WDR44: variants seen among roughly 807,000 people sequenced by gnomAD.
WDR44 encodes the protein WD repeat-containing protein 44.
Under a neutral mutation model 65.7 loss-of-function variants are expected in WDR44, and 9 were observed. That is an observed-to-expected ratio of 0.14 (90% CI 0.08 to 0.24). The LOEUF is 0.24. WDR44 is among the 10% of genes least tolerant of loss of function. The pLI, the probability that WDR44 is intolerant of heterozygous loss-of-function variation, is 1.00. For missense variants in WDR44, 425 were observed against 670.9 expected (o/e 0.63, Z 4.05); for synonymous variants, 220 against 235.2 (o/e 0.94, Z 0.59).
At chrX:118,434,407 C>T (rs757272039) in intron 13 of WDR44, among the ~76,000 whole-genome samples, 1 of 111,601 alleles carries the variant, frequency 9.0e-6, no homozygotes, top group Non-Finnish European at 1.9e-5. Context: ...TAAGTTTATA[C>T]CTGTTTAATC....
Position 118,391,021 on chromosome X carries a change from G to A in WDR44, c.187-1611G>A, listed in dbSNP as rs147677734. Among the ~76,000 whole-genome samples the A allele has an allele frequency of 2.8e-3, 312 of 111,875 alleles. 2 individuals are homozygous for A. Among genetic ancestry groups the A allele is most frequent in the African/African-American group, 9.8e-3 (301 of 30,855 alleles). On this transcript the variant is annotated intron_variant, in intron 3 of 19. Transcript: ENST00000254029. Reference sequence around the variant, plus strand: ...ATCCAGCTACCTAACCCAAAGGCCTGTATGACAATTAAATGAGAATGTGTA... The same window carrying A: ...ATCCAGCTACCTAACCCAAAGGCCTATATGACAATTAAATGAGAATGTGTA...
At position 118,403,391 on chromosome X, in the gene WDR44, A is replaced by C. The variant is rs150943530; in HGVS notation, c.1275-947A>C. ...TCCAGGCAGAAATAACCACACATGC[A>C]AAGCCCCTGAGGTTACTATAAGAGC... is the stretch of plus-strand genomic sequence containing the variant. On this transcript the variant is annotated intron_variant, in intron 8 of 19. Transcript: ENST00000254029. Among the ~76,000 whole-genome samples, 801 of 111,703 alleles carry C rather than the reference A, an allele frequency of 7.2e-3. 3 individuals are homozygous for C. The highest frequency in any genetic ancestry group is 0.013 in the Non-Finnish European group (665 of 53,144).
chrX:118,426,456 C>A (rs2057157525), intron 12 of WDR44, among the ~76,000 whole-genome samples: 1 of 111,492 alleles, frequency 9.0e-6, no homozygotes, highest in Admixed American at 9.6e-5. Flanking sequence ...AATCGCAGCA[C>A]TTTAAGAGGC....
intron 2 of WDR44, among the ~76,000 whole-genome samples, chrX:118,381,135 A>G (rs1039871656): frequency 9.0e-6 from 1 of 111,694 alleles, no homozygotes; most frequent in African/African-American, 3.3e-5. Context: ...TACCCTGTAA[A>G]TATGTATCAT....
At chrX:118,427,432 G>A (rs78383547) in intron 12 of WDR44, among the ~76,000 whole-genome samples, 28,283 of 107,423 alleles carry the variant, frequency 0.26, 3,108 homozygotes, top group African/African-American at 0.39. Flanking sequence ...CACCACGCCC[G>A]GCTAATTTTT....
At chrX:118,413,290 A>ATTAG (rs2057026971) in intron 12 of WDR44, among the ~76,000 whole-genome samples, 1 of 112,317 alleles carries the variant, frequency 8.9e-6, no homozygotes, top group Admixed American at 9.5e-5. Context: ...CAGTGGTTGT[A>ATTAG]TTAGTTTACA....
At chrX:118,406,640 A>G (rs1602935144) in intron 9 of WDR44, among the ~76,000 whole-genome samples, 1 of 111,526 alleles carries the variant, frequency 9.0e-6, no homozygotes, top group South Asian at 3.7e-4. Flanking sequence ...TGAGAAAACT[A>G]AGAGGCATCG....
At chrX:118,357,747 G>A (rs2056473905) in intron 1 of WDR44, among the ~76,000 whole-genome samples, 1 of 110,380 alleles carries the variant, frequency 9.1e-6, no homozygotes, top group Non-Finnish European at 1.9e-5. Context: ...AACCAGGCAT[G>A]GTGGTACTTG....
chrX:118,433,528 A>T (rs2057228956), intron 13 of WDR44, among the ~76,000 whole-genome samples: 2 of 111,874 alleles, frequency 1.8e-5, no homozygotes, highest in Admixed American at 1.9e-4. Context: ...CTCCCAAGGT[A>T]CATATTCTTC....
intron 1 of WDR44, among the ~76,000 whole-genome samples, chrX:118,370,439 C>T (rs1388329678): frequency 9.1e-6 from 1 of 110,119 alleles, no homozygotes; most frequent in African/African-American, 3.3e-5. Context: ...AAGTGGGTGG[C>T]ATCTCCTCCC....
chrX:118,366,824 G>A (rs1298552640), intron 1 of WDR44, among the ~76,000 whole-genome samples: 7 of 112,200 alleles, frequency 6.2e-5, no homozygotes, highest in Admixed American at 2.8e-4. Context: ...TCGGCCGGGC[G>A]CAGTGGCTCA....
chrX:118,432,333 G>A (rs1335018158), intron 12 of WDR44, among the ~76,000 whole-genome samples: 1 of 111,492 alleles, frequency 9.0e-6, no homozygotes, highest in Admixed American at 9.6e-5. Flanking sequence ...CCCTCTTTAA[G>A]GGTGAGAAAA....
At chrX:118,413,423 C>T (rs147921744) in intron 12 of WDR44, among the ~76,000 whole-genome samples, 1 of 112,346 alleles carries the variant, frequency 8.9e-6, no homozygotes, top group African/African-American at 3.2e-5. Context: ...TTTTGATTTA[C>T]ATTTCCCTGA....
intron 8 of WDR44, among the ~76,000 whole-genome samples, chrX:118,402,045 A>G (rs1414000311): frequency 9.2e-6 from 1 of 109,046 alleles, no homozygotes; most frequent in African/African-American, 3.4e-5. Flanking sequence ...AATCAAATAT[A>G]TCATAGACAT....
At chrX:118,411,428 T>C (rs942096950) in intron 12 of WDR44, among the ~76,000 whole-genome samples, 2 of 112,288 alleles carry the variant, frequency 1.8e-5, no homozygotes, top group Non-Finnish European at 3.8e-5. Context: ...ATTTTAAACC[T>C]ATAAAGCAGA....
At chrX:118,362,586 C>CTAT (rs753322358) in intron 1 of WDR44, among the ~76,000 whole-genome samples, 14 of 110,951 alleles carry the variant, frequency 1.3e-4, no homozygotes, top group Non-Finnish European at 2.5e-4. Flanking sequence ...GCATTTAAGC[C>CTAT]TATTCAGTGC....
At chrX:118,366,915 C>A (rs1465832729) in intron 1 of WDR44, among the ~76,000 whole-genome samples, 2 of 111,224 alleles carry the variant, frequency 1.8e-5, no homozygotes, top group Non-Finnish European at 3.8e-5. Context: ...GAAACCCCGT[C>A]TCTACTAAAA....
intron 13 of WDR44, 71 bp downstream of exon 13, chrX:118,432,965 A>G: frequency 1.0e-6 from 1 of 981,430 alleles, no homozygotes; most frequent in African/African-American, 1.9e-5. Context: ...CTTAAAGCAG[A>G]ATTTCTTCTC....
At chrX:118,396,537 CATGTT>C (rs2056867501) in intron 6 of WDR44, among the ~76,000 whole-genome samples, 1 of 112,036 alleles carries the variant, frequency 8.9e-6, no homozygotes, top group South Asian at 3.6e-4. Flanking sequence ...TTGAAAACAT[CATGTT>C]AAGTTAAAGA....
Sources: allele counts gnomAD v4.1 joint callset (sites outside exome capture counted in the v4.1 genomes callset), GRCh38; gene constraint gnomAD v4.1.1; transcripts MANE v1.5; gene names NCBI Gene and HGNC (gene_info 2026-07-23, HGNC 2026-07-21).